Variants in CUX1 observed in about 807,000 individuals in gnomAD.
CUX1 encodes the protein cut like homeobox 1.
In CUX1, 31 loss-of-function variants were observed where a neutral mutation model predicts 158.8. That is an observed-to-expected ratio of 0.20 (90% confidence interval 0.15 to 0.26). The LOEUF (loss-of-function observed/expected upper bound fraction) is 0.26, where lower values mean the gene tolerates loss of function less well. CUX1 is among the 10% of genes least tolerant of loss of function. CUX1 has a pLI of 1.00. For missense variants in CUX1, 1,589 were observed against 2,014.6 expected (o/e 0.79, Z 4.04); for synonymous variants, 879 against 862.1 (o/e 1.02, Z -0.34).
In CUX1 at chr7:102,168,923, C is replaced by CTT. The variant is rs1191271149; in HGVS notation, c.724-1520_724-1519dup. Among the ~76,000 whole-genome samples the CTT allele has an allele frequency of 1.2e-3, 54 of 45,018 alleles. 1 individual carries two copies. The highest frequency in any genetic ancestry group is 7.7e-3 in the African/African-American group (48 of 6,210). The allele number at this position is 45,018 out of a possible 152,430, so 29.5% of individuals were successfully genotyped here. A position where few individuals can be genotyped will look rare whatever the true frequency, so the allele number is the denominator to read the frequency against. On this transcript the variant is annotated intron_variant, in intron 9 of 23. Transcript: ENST00000292535. Reference sequence around the variant, plus strand: ...CTTTTCTTTTCTTTTATTTTCTTTTCTTTTCTTTTATTTTCTTTTTTTTTT... The same window carrying CTT: ...CTTTTCTTTTCTTTTATTTTCTTTTCTTTTTTCTTTTATTTTCTTTTTTTTTT...
At chr7:102,194,665 C>T (rs1477393976) in intron 13 of CUX1, among the ~76,000 whole-genome samples, 1 of 151,736 alleles carries the variant, frequency 6.6e-6, no homozygotes, top group Non-Finnish European at 1.5e-5. Context: ...TTACATGCTG[C>T]CTCAGTAGAG....
At chr7:102,051,061 G>A (rs1378532061) in intron 3 of CUX1, among the ~76,000 whole-genome samples, 1 of 151,994 alleles carries the variant, frequency 6.6e-6, no homozygotes, top group Non-Finnish European at 1.5e-5. Flanking sequence ...CCCCCACCCC[G>A]GGCGTGGTCC....
Position 101,869,278 on chromosome 7 carries a change from G to A in CUX1, c.31-46837G>A, listed in dbSNP as rs141776700. Among the ~76,000 whole-genome samples the A allele has an allele frequency of 4.6e-4, 70 of 152,280 alleles. No homozygotes were observed. The highest frequency in any genetic ancestry group is 1.5e-3 in the African/African-American group (64 of 41,562). ...AGGAGCATCACTGTGTCCAGAGGAC[G>A]CGGTGCCTTTCAGACCCCTTGAGTA... is the stretch of plus-strand genomic sequence containing the variant. On this transcript the variant is annotated intron_variant, in intron 1 of 23. Transcript: ENST00000292535. This position sits in a 1 kb window ranked among gnomAD's most constrained non-coding sequence, Gnocchi z 4.5.
chr7:101,990,183 A>G (rs780577443), intron 2 of CUX1, among the ~76,000 whole-genome samples: 3 of 150,832 alleles, frequency 2.0e-5, no homozygotes, highest in Admixed American at 1.3e-4. Flanking sequence ...ACATGGTAAG[A>G]CCCCATCTCT....
chr7:102,241,833 G>A (rs1006035424), intron 23 of CUX1, among the ~76,000 whole-genome samples: 5 of 152,210 alleles, frequency 3.3e-5, no homozygotes, highest in Admixed American at 1.3e-4. Context: ...AGCCAGGCGT[G>A]GTAACACGCA....
Position 102,097,463 on chromosome 7 carries a change from A to C in CUX1, c.368A>C (p.Glu123Ala). The C allele has an allele frequency of 6.2e-7, 1 of 1,612,940 alleles. No homozygotes were observed. The highest frequency in any genetic ancestry group is 2.2e-5 in the East Asian group (1 of 44,870). ...TENQKLRETL[E>A]EYNKEFAEVK... is the part of the protein sequence containing the mutation. ...AACCAGAAACTTAGGGAAACTCTGG[A>C]AGAATACAACAAGGAATTTGCTGAA... is the stretch of plus-strand genomic sequence containing the variant. The change falls in exon 5 of 24, where the codon GAA (glutamate) becomes GCA (alanine). Residue 123 changes from glutamate (E) to alanine (A), a missense_variant. Physicochemically the swap from Glu to Ala is moderately radical, Grantham distance 107 (BLOSUM62 -1). Coordinates refer to ENST00000292535, the MANE Select transcript of CUX1 (RefSeq NM_181552.4).
At chr7:101,835,791 A>G (rs1169359060) in intron 1 of CUX1, among the ~76,000 whole-genome samples, 1 of 152,142 alleles carries the variant, frequency 6.6e-6, no homozygotes, top group African/African-American at 2.4e-5. Context: ...GCTGGAGTGC[A>G]ATGGCGCGAT....
downstream of CUX1, among the ~76,000 whole-genome samples, chr7:102,259,212 C>T (rs560511655): frequency 6.6e-6 from 1 of 152,356 alleles, no homozygotes; most frequent in South Asian, 2.1e-4. Context: ...AGCCCCGTGT[C>T]TGATGCAGTC....
chr7:102,203,645 C>A (rs918930892), intron 18 of CUX1, among the ~76,000 whole-genome samples: 3 of 152,192 alleles, frequency 2.0e-5, no homozygotes, highest in Non-Finnish European at 4.4e-5. Flanking sequence ...CCCGTGAGTG[C>A]AGTTTTATTC....
chr7:101,957,729 AAAAAT>A (rs1809944672), intron 2 of CUX1, among the ~76,000 whole-genome samples: 1 of 152,094 alleles, frequency 6.6e-6, no homozygotes, highest in African/African-American at 2.4e-5. Flanking sequence ...CCATCTCTTA[AAAAAT>A]AAAATAATTT....
At chr7:102,095,942 T>C (rs115730548) in intron 4 of CUX1, among the ~76,000 whole-genome samples, 499 of 152,340 alleles carry the variant, frequency 3.3e-3, no homozygotes, top group African/African-American at 0.011. Context: ...AAAGATCACA[T>C]TGATGCGGAA....
chr7:102,168,927 TC>T (rs1292064999), intron 9 of CUX1, among the ~76,000 whole-genome samples: 41,428 of 101,670 alleles, frequency 0.41, 9,818 homozygotes, highest in African/African-American at 0.57. Flanking sequence ...TCTTTTCTTT[TC>T]TTTTATTTTC....
chr7:102,181,563 A>T (rs374147165), intron 11 of CUX1, among the ~76,000 whole-genome samples: 1 of 152,228 alleles, frequency 6.6e-6, no homozygotes, highest in East Asian at 1.9e-4. Flanking sequence ...AATGTTCGTT[A>T]TCCGTATCTT....
intron 20 of CUX1, among the ~76,000 whole-genome samples, chr7:102,212,858 ATG>A (rs1291712916): frequency 1.3e-5 from 2 of 152,124 alleles, no homozygotes; most frequent in African/African-American, 4.8e-5. Context: ...TTGTGTGTAC[ATG>A]TGTGAGAGGG....
At chr7:101,936,669 T>G (rs1275681059) in intron 2 of CUX1, among the ~76,000 whole-genome samples, 2 of 152,242 alleles carry the variant, frequency 1.3e-5, no homozygotes, top group African/African-American at 4.8e-5. Flanking sequence ...GCTGTGTTTG[T>G]GCGGAGGGTG....
chr7:102,252,092 T>A lies in CUX1; in HGVS notation c.*3050T>A, dbSNP rs1801577301. On this transcript the variant is annotated 3_prime_UTR_variant, in exon 24 of 24. Transcript: ENST00000292535. Reference sequence around the variant, plus strand: ...TCAGTTGGTTAAATTTTGCTTGCAGTTCTGTGTATTTTTTTTCCTCTATTA... The same window carrying A: ...TCAGTTGGTTAAATTTTGCTTGCAGATCTGTGTATTTTTTTTCCTCTATTA... 2.2e-5 allele frequency: 22 copies of A among 985,144 alleles called. No homozygotes were observed. The highest frequency in any genetic ancestry group is 2.7e-5 in the Non-Finnish European group (22 of 829,782). 61.0% of individuals were successfully genotyped at this position (985,144 alleles called of 1,614,324 possible).
At chr7:102,265,317 C>T (rs1725599) in intron 14 of CUX1, among the ~76,000 whole-genome samples, 1 of 149,598 alleles carries the variant, frequency 6.7e-6, no homozygotes, top group South Asian at 2.1e-4. Context: ...GATTACACCA[C>T]TATACTCCAG....
chr7:102,103,713 A>G (rs538281453), intron 5 of CUX1, among the ~76,000 whole-genome samples: 22 of 150,218 alleles, frequency 1.5e-4, no homozygotes, highest in African/African-American at 4.6e-4. Flanking sequence ...GGGATTACAG[A>G]TGTGAGCCAC....
chr7:102,222,811 C>T (rs1210086162), intron 20 of CUX1, among the ~76,000 whole-genome samples: 79 of 25,510 alleles, frequency 3.1e-3, no homozygotes, highest in Admixed American at 7.2e-3. Context: ...GGCACCGTAT[C>T]TTTTTTTTTT....
Sources: allele counts gnomAD v4.1 joint callset (sites outside exome capture counted in the v4.1 genomes callset), GRCh38; gene constraint gnomAD v4.1.1; non-coding constraint Gnocchi (gnomAD v3.1); transcripts MANE v1.5; gene names NCBI Gene and HGNC (gene_info 2026-07-23, HGNC 2026-07-21).